The following SLC16A12 variants were observed in gnomAD, a reference collection of about 807,000 sequenced individuals.
SLC16A12 encodes monocarboxylate transporter 12.
Under a neutral mutation model 42.4 loss-of-function variants are expected in SLC16A12, and 17 were observed. The ratio of observed to expected loss-of-function variants is 0.40; its 90% CI spans 0.27 to 0.60. SLC16A12 has a LOEUF of 0.60. Among genes scored for constraint, SLC16A12 ranks in the 20% least tolerant of loss-of-function variants. The probability of loss-of-function intolerance (pLI) is 0.42; values close to 1 mark genes in which losing one functional copy is unlikely to be tolerated. For missense variants in SLC16A12, 544 were observed against 623.0 expected (o/e 0.87, Z 1.35); for synonymous variants, 224 against 229.4 (o/e 0.98, Z 0.21).
intron 2 of SLC16A12, among the ~76,000 whole-genome samples, chr10:89,520,156 T>G (rs1843329800): frequency 6.6e-6 from 1 of 151,658 alleles, no homozygotes. Flanking sequence ...ATTTCTCAAA[T>G]AGCACTACAA....
At chr10:89,528,626 T>C (rs1843493289) in intron 2 of SLC16A12, among the ~76,000 whole-genome samples, 1 of 152,178 alleles carries the variant, frequency 6.6e-6, no homozygotes, top group South Asian at 2.1e-4. Flanking sequence ...ACAAAAAATT[T>C]CCATTATATG....
At chr10:89,469,903 A>G (rs751347583) in intron 2 of SLC16A12, among the ~76,000 whole-genome samples, 6 of 152,234 alleles carry the variant, frequency 3.9e-5, no homozygotes, top group Non-Finnish European at 7.3e-5. Flanking sequence ...TTGTTTACAT[A>G]ATAACTCTTT....
chr10:89,437,986 A>T (rs1313750540), intron 6 of SLC16A12, among the ~76,000 whole-genome samples: 2 of 152,208 alleles, frequency 1.3e-5, no homozygotes, highest in Admixed American at 6.5e-5. Flanking sequence ...CCTCCTGCCT[A>T]AACTGAATTC....
At chr10:89,443,176 T>A (rs1377098289) in intron 4 of SLC16A12, among the ~76,000 whole-genome samples, 1 of 152,198 alleles carries the variant, frequency 6.6e-6, no homozygotes, top group Non-Finnish European at 1.5e-5. Context: ...AATATGTTTA[T>A]CTCATGACGA....
chr10:89,545,658 T>C (rs1471908833), intron 2 of SLC16A12, among the ~76,000 whole-genome samples: 1 of 152,238 alleles, frequency 6.6e-6, no homozygotes, highest in Non-Finnish European at 1.5e-5. Flanking sequence ...ATAGATTCAA[T>C]GCTATTCCCA....
At chr10:89,471,245 G>T (rs1285574837) in intron 2 of SLC16A12, among the ~76,000 whole-genome samples, 1 of 152,102 alleles carries the variant, frequency 6.6e-6, no homozygotes. Flanking sequence ...ATTCCCTCAT[G>T]CTCCCTTGCA....
chr10:89,480,837 C>A (rs967244648), intron 2 of SLC16A12, among the ~76,000 whole-genome samples: 1 of 152,108 alleles, frequency 6.6e-6, no homozygotes, highest in Non-Finnish European at 1.5e-5. Flanking sequence ...AGAGGGAGAA[C>A]TATAAATCCA....
upstream of SLC16A12, among the ~76,000 whole-genome samples, chr10:89,539,881 C>CTTTCTTTCTTTA (rs1843702260): frequency 2.8e-5 from 4 of 144,096 alleles, no homozygotes; most frequent in Non-Finnish European, 6.0e-5. Context: ...TTCTTTCTTT[C>CTTTCTTTCTTTA]TTTCTTTCTT....
chr10:89,454,696 T>C (rs911914000), intron 3 of SLC16A12, among the ~76,000 whole-genome samples: 2 of 152,154 alleles, frequency 1.3e-5, no homozygotes, highest in Admixed American at 6.5e-5. Flanking sequence ...CCACATTCTT[T>C]AGTCTCAAGA....
At chr10:89,514,819 A>G (rs1331781549) in intron 2 of SLC16A12, among the ~76,000 whole-genome samples, 1 of 152,218 alleles carries the variant, frequency 6.6e-6, no homozygotes, top group Admixed American at 6.5e-5. Flanking sequence ...GCGCGGGTGC[A>G]GTGGCTCATG....
chr10:89,489,632 G>A (rs559089733), intron 2 of SLC16A12, among the ~76,000 whole-genome samples: 7 of 152,092 alleles, frequency 4.6e-5, no homozygotes, highest in Non-Finnish European at 1.0e-4. Flanking sequence ...ATGAGCCACC[G>A]TGCCAGTCCT....
intron 2 of SLC16A12, among the ~76,000 whole-genome samples, chr10:89,483,070 T>C (rs1842691814): frequency 6.6e-6 from 1 of 152,132 alleles, no homozygotes; most frequent in African/African-American, 2.4e-5. Flanking sequence ...ATTCAGTTTC[T>C]GGGGACAGCT....
At chr10:89,504,837 C>T (rs1315158510) in intron 2 of SLC16A12, among the ~76,000 whole-genome samples, 1 of 152,202 alleles carries the variant, frequency 6.6e-6, no homozygotes, top group African/African-American at 2.4e-5. Context: ...TGCCAACAAG[C>T]CCTGGTTCTC....
chr10:89,444,062 C>T lies in SLC16A12; in HGVS notation c.201-203G>A, dbSNP rs947333697. 2.0e-5 allele frequency among the ~76,000 whole-genome samples: 3 copies of T among 152,160 alleles called. No homozygotes were observed. The South Asian group carries it at 6.2e-4, about 32-fold the overall frequency. On this transcript the variant is annotated intron_variant, in intron 3 of 7. Coordinates refer to ENST00000371790, the MANE Select transcript of SLC16A12 (RefSeq NM_213606.4). Reference sequence around the variant, plus strand: ...AAGTGTTCAACCACCACAGGGGCTACTAAAGCCAAGTAGATGTGAAAACTA... The same window carrying T: ...AAGTGTTCAACCACCACAGGGGCTATTAAAGCCAAGTAGATGTGAAAACTA...
intron 2 of SLC16A12, among the ~76,000 whole-genome samples, chr10:89,466,879 T>A (rs938593185): frequency 1.3e-5 from 2 of 152,194 alleles, no homozygotes; most frequent in Non-Finnish European, 2.9e-5. Flanking sequence ...CTAACATAAA[T>A]CAAAGCTTCT....
chr10:89,483,153 A>C (rs779467163), intron 2 of SLC16A12, among the ~76,000 whole-genome samples: 2 of 152,058 alleles, frequency 1.3e-5, no homozygotes, highest in Non-Finnish European at 2.9e-5. Flanking sequence ...GTGCATGTGC[A>C]TGTGCTGGAG....
At chr10:89,485,198 T>A (rs1842726894) in intron 2 of SLC16A12, among the ~76,000 whole-genome samples, 1 of 152,160 alleles carries the variant, frequency 6.6e-6, no homozygotes, top group Non-Finnish European at 1.5e-5. Flanking sequence ...GTTGTCACAA[T>A]CAGGGTGTGC....
chr10:89,483,215 A>G lies in SLC16A12; in HGVS notation c.-46-20591T>C, dbSNP rs537903001. Among the ~76,000 whole-genome samples the G allele has an allele frequency of 1.5e-3, 230 of 152,220 alleles. 2 individuals carry two copies. Among genetic ancestry groups the G allele is most frequent in the African/African-American group, 5.4e-3 (224 of 41,538 alleles). On this transcript the variant is annotated intron_variant, in intron 2 of 7. Coordinates refer to ENST00000371790, the MANE Select transcript of SLC16A12 (RefSeq NM_213606.4). Reference sequence around the variant, plus strand: ...CTCTTCTAAGGACACTAGTCCTATCATGGCCTACCCTTATGGGCCTCCTTC... The same window carrying G: ...CTCTTCTAAGGACACTAGTCCTATCGTGGCCTACCCTTATGGGCCTCCTTC...
At chr10:89,479,011 C>T (rs1842622332) in intron 2 of SLC16A12, among the ~76,000 whole-genome samples, 1 of 152,190 alleles carries the variant, frequency 6.6e-6, no homozygotes, top group South Asian at 2.1e-4. Flanking sequence ...GCTTGTTCAG[C>T]CCTGACTCTA....
Sources: gnomAD v4.1 joint callset for allele counts (sites outside exome capture counted in the v4.1 genomes callset) on GRCh38, gnomAD v4.1.1 for gene constraint, MANE v1.5 for transcripts, NCBI Gene and HGNC (gene_info 2026-07-23, HGNC 2026-07-21) for gene names.